IL16: variants seen among roughly 807,000 people sequenced by gnomAD.
IL16 encodes the protein pro-interleukin-16.
A neutral mutation model predicts 110.1 loss-of-function variants in IL16; 67 were observed. The observed-to-expected ratio is 0.61, with a 90% CI of 0.50 to 0.75. The LOEUF is 0.75. Among genes scored for constraint, IL16 ranks in the 30% least tolerant of loss-of-function variants. The probability of loss-of-function intolerance (pLI) is 0.00; values close to 1 mark genes in which losing one functional copy is unlikely to be tolerated. For synonymous variants in IL16, 689 were observed against 662.9 expected, an observed-to-expected ratio of 1.04 and a Z score of -0.61; for missense variants, 1,545 against 1,655.0, an observed-to-expected ratio of 0.93 and a Z score of 1.15.
intron 12 of IL16, among the ~76,000 whole-genome samples, chr15:81,293,802 C>T (rs1340951930): frequency 2.6e-5 from 4 of 152,252 alleles, no homozygotes; most frequent in Non-Finnish European, 5.9e-5. Context: ...CAGACAGCTG[C>T]TGTGTCTAGA....
At chr15:81,231,379 T>TCTCC (rs1567008811) in intron 2 of IL16, among the ~76,000 whole-genome samples, 2 of 144,842 alleles carry the variant, frequency 1.4e-5, no homozygotes, top group South Asian at 2.2e-4. Flanking sequence ...TCTCTCTCTC[T>TCTCC]CTCCCTCTCT....
chr15:81,246,217 A>G (rs1263116790), intron 2 of IL16, among the ~76,000 whole-genome samples: 3 of 150,916 alleles, frequency 2.0e-5, no homozygotes, highest in Non-Finnish European at 3.0e-5. Context: ...AAAATGCGAG[A>G]GTTTTATGAA....
intron 13 of IL16, among the ~76,000 whole-genome samples, chr15:81,298,298 A>AG (rs1303404717): frequency 1.3e-5 from 2 of 152,240 alleles, no homozygotes; most frequent in Admixed American, 6.5e-5. Flanking sequence ...GACAAGGGAC[A>AG]GGAGGGATCA....
In IL16 at chr15:81,285,410, T is replaced by G. The variant is rs138190565; in HGVS notation, c.1200-288T>G. ...CACCCTCAGTCTTTAATGGGCATAG[T>G]TAAATGTGAAAAGAAGGAGGAAAGT... On this transcript the variant is annotated intron_variant, in intron 9 of 18. Coordinates refer to ENST00000683961, the MANE Select transcript of IL16 (RefSeq NM_172217.5). Among the ~76,000 whole-genome samples the G allele has an allele frequency of 2.1e-3, 319 of 152,292 alleles. 2 individuals are homozygous for G. In the South Asian group the frequency reaches 0.025, roughly 12 times the overall value.
chr15:81,216,676 G>GC (rs1566999860), intron 1 of IL16, among the ~76,000 whole-genome samples: 12 of 147,556 alleles, frequency 8.1e-5, no homozygotes, highest in South Asian at 2.4e-4. Context: ...GCAGCAGCAG[G>GC]AGGAGGAAGA....
intron 9 of IL16, among the ~76,000 whole-genome samples, chr15:81,285,060 T>C (rs868180761): frequency 2.0e-5 from 3 of 152,280 alleles, no homozygotes; most frequent in South Asian, 2.1e-4. Flanking sequence ...CATGTATCTA[T>C]GTGACCCCGT....
chr15:81,198,114 C>T (rs1386925796), intron 1 of IL16, among the ~76,000 whole-genome samples: 3 of 152,162 alleles, frequency 2.0e-5, no homozygotes, highest in Admixed American at 6.5e-5. Flanking sequence ...GCAGATATGA[C>T]GTGGGCATGA....
Position 81,301,435 on chromosome 15 carries a change from G to A in IL16, c.3241G>A (p.Val1081Ile), listed in dbSNP as rs371628497. The change falls in exon 15 of 19, where the codon GTT (valine) becomes ATT (isoleucine). Residue 1081 changes from valine to isoleucine, a missense_variant. Coordinates refer to ENST00000683961, the MANE Select transcript of IL16 (RefSeq NM_172217.5). ...DHSSLQSGQSVISLLSSEELK... is the reference protein window; with the variant it reads ...DHSSLQSGQSIISLLSSEELK... ...CAGTTCCCTTCAGTCTGGTCAGTCCGTTATCTCCCTGCTGAGCTCAGAAGA... is the reference window on the plus strand; with the variant it reads ...CAGTTCCCTTCAGTCTGGTCAGTCCATTATCTCCCTGCTGAGCTCAGAAGA... 10 of 1,613,976 alleles carry A rather than the reference G, an allele frequency of 6.2e-6. No individual in the cohort carries two copies. Among genetic ancestry groups the A allele is most frequent in the African/African-American group, 4.0e-5 (3 of 74,904 alleles).
intron 1 of IL16, among the ~76,000 whole-genome samples, chr15:81,221,008 A>G (rs1307873501): frequency 6.6e-6 from 1 of 152,040 alleles, no homozygotes; most frequent in Non-Finnish European, 1.5e-5. Context: ...TATACTGATA[A>G]CTATGATGAT....
intron 2 of IL16, among the ~76,000 whole-genome samples, chr15:81,244,242 GAA>G (rs1341560014): frequency 6.6e-6 from 1 of 152,134 alleles, no homozygotes; most frequent in Non-Finnish European, 1.5e-5. Context: ...CTCAAGAGAA[GAA>G]AAGTCTATTG....
At chr15:81,191,675 G>A (rs1392562396) in intron 1 of IL16, among the ~76,000 whole-genome samples, 1 of 152,186 alleles carries the variant, frequency 6.6e-6, no homozygotes, top group African/African-American at 2.4e-5. Context: ...GCCTGGTTTA[G>A]GTTGAGTGGT....
Position 81,261,754 on chromosome 15 carries a change from C to T in IL16, c.421+1874C>T, listed in dbSNP as rs1233118068. On this transcript the variant is annotated intron_variant, in intron 3 of 18. Coordinates refer to ENST00000683961, the MANE Select transcript of IL16 (RefSeq NM_172217.5). Reference sequence around the variant, plus strand: ...TTCTTCCCAAACCCTGATTGATACACTGATAAAAATAGATGGAAAAAAAAA... The same window carrying T: ...TTCTTCCCAAACCCTGATTGATACATTGATAAAAATAGATGGAAAAAAAAA... 2.0e-5 allele frequency among the ~76,000 whole-genome samples: 3 copies of T among 152,012 alleles called. No homozygotes were observed. The East Asian group carries it at 5.8e-4, about 29-fold the overall frequency.
intron 2 of IL16, among the ~76,000 whole-genome samples, chr15:81,242,303 G>A (rs781718963): frequency 2.0e-5 from 3 of 152,116 alleles, no homozygotes; most frequent in African/African-American, 4.8e-5. Flanking sequence ...TAGGAATTGC[G>A]TTAAACCAGC....
chr15:81,305,802 G>C (rs1257218265), intron 16 of IL16, 106 bp from the exon 17 acceptor site: 5 of 1,357,532 alleles, frequency 3.7e-6, no homozygotes, highest in Non-Finnish European at 5.0e-6. Flanking sequence ...AATCTTTGTT[G>C]GCCTAAAAAT....
At chr15:81,296,877 CA>C in intron 12 of IL16, 50 bp from the exon 13 acceptor site, 1 of 1,517,502 alleles carries the variant, frequency 6.6e-7, no homozygotes. Context: ...CGCCTTCTCA[CA>C]GCTTGAGGCT....
chr15:81,193,289 G>A (rs1895527358), upstream of IL16, among the ~76,000 whole-genome samples: 1 of 152,108 alleles, frequency 6.6e-6, no homozygotes, highest in African/African-American at 2.4e-5. Flanking sequence ...AGTACTGTTG[G>A]CAGTGTTCCT....
chr15:81,279,499 A>G (rs1899069180), intron 7 of IL16, 59 bp from the exon 8 acceptor site: 1 of 1,235,498 alleles, frequency 8.1e-7, no homozygotes, highest in African/African-American at 1.5e-5. Flanking sequence ...CTTAAACAGT[A>G]TTTCTTCATC....
Position 81,224,760 on chromosome 15 carries a change from G to GACTC in IL16, c.-101-537_-101-534dup, listed in dbSNP as rs529095396. Among the ~76,000 whole-genome samples, 11 of 152,306 alleles carry GACTC rather than the reference G, an allele frequency of 7.2e-5. No individual in the cohort carries two copies. In the East Asian group the frequency reaches 2.1e-3, roughly 29 times the overall value. ...GGACATAAGACATCAGTGGTCTTCAGACTCAGCTCCATGGATTCTGGGGTT... is the reference window on the plus strand; with the variant it reads ...GGACATAAGACATCAGTGGTCTTCAGACTCACTCAGCTCCATGGATTCTGGGGTT... On this transcript the variant is annotated intron_variant, in intron 1 of 18. Transcript: ENST00000683961.
At chr15:81,238,328 A>G (rs1427790377) in intron 2 of IL16, among the ~76,000 whole-genome samples, 3 of 152,022 alleles carry the variant, frequency 2.0e-5, no homozygotes, top group Non-Finnish European at 2.9e-5. Context: ...TTGTTCCTCC[A>G]TTTATTTTCT....
Sources: allele counts gnomAD v4.1 joint callset (sites outside exome capture counted in the v4.1 genomes callset), GRCh38; gene constraint gnomAD v4.1.1; transcripts MANE v1.5; gene names NCBI Gene and HGNC (gene_info 2026-07-23, HGNC 2026-07-21).